The following SERF2 variants were observed in gnomAD, a reference collection of about 807,000 sequenced individuals.
The protein encoded by SERF2 is small EDRK-rich factor 2, also known as gastric cancer-related protein VRG107.
In SERF2, 4 loss-of-function variants were observed where a neutral mutation model predicts 10.7. That is an observed-to-expected ratio of 0.37 (90% confidence interval 0.18 to 0.86). The LOEUF (loss-of-function observed/expected upper bound fraction) is 0.86. Among genes scored for constraint, SERF2 ranks in the 40% least tolerant of loss-of-function variants. SERF2 has a pLI of 0.43. For missense variants in SERF2, 47 were observed against 79.1 expected, an observed-to-expected ratio of 0.59 and a Z score of 1.54; for synonymous variants, 26 against 26.0, an observed-to-expected ratio of 1.00 and a Z score of 0.01.
intron 1 of SERF2, chr15:43,778,008 G>T (rs2086935072): frequency 6.7e-6 from 1 of 148,700 alleles, no homozygotes; most frequent in Non-Finnish European, 1.5e-5. Flanking sequence ...CTGTCGCCCA[G>T]GCTGGAGTGC....
chr15:43,788,307 A>G (rs2064868350), upstream of SERF2, among the ~76,000 whole-genome samples: 1 of 151,636 alleles, frequency 6.6e-6, no homozygotes, highest in Non-Finnish European at 1.5e-5. Flanking sequence ...ACCATGCCCA[A>G]CCTGGAGACA....
upstream of SERF2, among the ~76,000 whole-genome samples, chr15:43,789,360 G>A (rs1406371145): frequency 6.6e-6 from 1 of 152,154 alleles, no homozygotes; most frequent in Non-Finnish European, 1.5e-5. Flanking sequence ...TGACCTGAGG[G>A]AGGAGGGCCT....
Position 43,795,470 on chromosome 15 carries a change from G to C in SERF2, c.*1697G>C, listed in dbSNP as rs1300665479. The C allele has an allele frequency of 1.9e-6, 3 of 1,614,236 alleles. No individual in the cohort carries two copies. The East Asian group carries it at 6.7e-5, about 36-fold the overall frequency. The stretch of plus-strand genomic sequence containing the variant: ...TGGAAGGCAGAATAGTTGTAGGAAA[G>C]ATGCTGGACTTGGACTGGAGGAGCT... On this transcript the variant is annotated 3_prime_UTR_variant, in exon 3 of 3. Coordinates refer to ENST00000249786, the MANE Select transcript of SERF2 (RefSeq NM_001018108.4).
intron 1 of SERF2, 58 bp downstream of exon 1, chr15:43,792,441 C>T: frequency 3.1e-6 from 5 of 1,613,580 alleles, no homozygotes; most frequent in South Asian, 2.2e-5. Flanking sequence ...TAAACACCAC[C>T]GGCGAGGCGC....
Position 43,795,604 on chromosome 15 carries a change from A to G in SERF2, c.*1831A>G, listed in dbSNP as rs1003946517. The G allele has an allele frequency of 6.8e-6, 11 of 1,611,710 alleles. No individual in the cohort carries two copies. The highest frequency in any genetic ancestry group is 2.2e-5 in the East Asian group (1 of 44,854). ...GAAACACCTCTTCCCCTCTCCCCCA[A>G]CTACCTTTGTTAAGGCTCTTGAGGG... On this transcript the variant is annotated 3_prime_UTR_variant, in exon 3 of 3. Transcript: ENST00000249786.
intron 1 of SERF2, among the ~76,000 whole-genome samples, chr15:43,779,269 A>C (rs571028604): frequency 1.1e-4 from 17 of 152,144 alleles, no homozygotes; most frequent in Non-Finnish European, 2.1e-4. Flanking sequence ...AGTAGGAAGC[A>C]ACTGAGAGAG....
upstream of SERF2, chr15:43,792,003 C>A: frequency 2.6e-6 from 1 of 380,180 alleles, no homozygotes; most frequent in South Asian, 3.0e-5. Flanking sequence ...CCCAAACTGT[C>A]CCCGCATGAG....
intron 2 of SERF2, among the ~76,000 whole-genome samples, chr15:43,786,232 G>A (rs1348140633): frequency 6.6e-6 from 1 of 151,442 alleles, no homozygotes; most frequent in African/African-American, 2.4e-5. Flanking sequence ...TGACTAACAC[G>A]GTGAAACCCT....
At chr15:43,791,134 T>C (rs1306966022), upstream of SERF2, among the ~76,000 whole-genome samples, 1 of 147,994 alleles carries the variant, frequency 6.8e-6, no homozygotes, top group African/African-American at 2.5e-5. Context: ...AGTGCAGTGG[T>C]GCGATCTCGG....
At chr15:43,793,271 A>T (rs1254097719) in intron 2 of SERF2, 188 bp downstream of exon 2, 7 of 578,704 alleles carry the variant, frequency 1.2e-5, no homozygotes, top group Admixed American at 3.1e-5. Flanking sequence ...ACAGGAAAGG[A>T]CGGGGGCGGG....
Position 43,794,835 on chromosome 15 carries a change from A to C in SERF2, c.*1062A>C. ...CAGTGAGTCAGACACTCTGCCCAGC[A>C]CATTAGACTGTGTTTGACCACTTCT... On this transcript the variant is annotated 3_prime_UTR_variant, in exon 3 of 3. Coordinates refer to ENST00000249786, the MANE Select transcript of SERF2 (RefSeq NM_001018108.4). 1 of 616,126 alleles carries C rather than the reference A, an allele frequency of 1.6e-6. No individual in the cohort carries two copies. Among genetic ancestry groups the C allele is most frequent in the Non-Finnish European group, 2.9e-6 (1 of 350,062 alleles). The allele number at this position is 616,126 out of a possible 1,614,324, so 38.2% of individuals were successfully genotyped here.
rs190030870 is a variant in SERF2, at chr15:43,784,025, C to T, written c.-526-1385C>T. On this transcript the variant is annotated intron_variant, in intron 1 of 4. Transcript: ENST00000381359. The stretch of plus-strand genomic sequence containing the variant: ...GTCTCAAACTCCTGACCTTGTGATC[C>T]GCCCACCTTGGCCTCCCAAAGTGCT... 8.4e-5 allele frequency among the ~76,000 whole-genome samples: 12 copies of T among 142,476 alleles called. No individual in the cohort carries two copies. The East Asian group carries it at 1.1e-3, about 13-fold the overall frequency. 93.5% of individuals were successfully genotyped at this position (142,476 alleles called of 152,430 possible).
chr15:43,784,419 ACT>A (rs1234940399), intron 1 of SERF2, among the ~76,000 whole-genome samples: 1 of 151,878 alleles, frequency 6.6e-6, no homozygotes, highest in Non-Finnish European at 1.5e-5. Flanking sequence ...TGGGTTGGGC[ACT>A]CTGTGACCTC....
chr15:43,795,855 A>G lies in SERF2; in HGVS notation c.*2082A>G. 1 of 986,072 alleles carries G rather than the reference A, an allele frequency of 1.0e-6. No individual in the cohort carries two copies. Among genetic ancestry groups the G allele is most frequent in the Non-Finnish European group, 1.5e-6 (1 of 670,950 alleles). The allele number at this position is 986,072 out of a possible 1,614,324, so 61.1% of individuals were successfully genotyped here. ...AAAAAGTGGAGGCACACCTGGGTTC[A>G]AATTCTAGCTCCAGCATATAAGTGG... On this transcript the variant is annotated 3_prime_UTR_variant, in exon 3 of 3. Transcript: ENST00000249786.
In SERF2 at chr15:43,795,365, A is replaced by G; in HGVS notation, c.*1592A>G. ...AAAATAGCTAGCTCTTCAGGAGAGTATCTAAGGCCCACTCCATCTTACCTG... is the reference window on the plus strand; with the variant it reads ...AAAATAGCTAGCTCTTCAGGAGAGTGTCTAAGGCCCACTCCATCTTACCTG... On this transcript the variant is annotated 3_prime_UTR_variant, in exon 3 of 3. Coordinates refer to ENST00000249786, the MANE Select transcript of SERF2 (RefSeq NM_001018108.4). 6.2e-7 allele frequency: 1 copy of G among 1,613,530 alleles called. No individual in the cohort carries two copies. Among genetic ancestry groups the G allele is most frequent in the Non-Finnish European group, 8.5e-7 (1 of 1,179,466 alleles).
At chr15:43,789,332 C>T (rs2087033997), upstream of SERF2, among the ~76,000 whole-genome samples, 1 of 152,144 alleles carries the variant, frequency 6.6e-6, no homozygotes, top group African/African-American at 2.4e-5. Flanking sequence ...CACAATAATC[C>T]TGTGGCTCTT....
upstream of SERF2, among the ~76,000 whole-genome samples, chr15:43,791,623 C>G (rs946643071): frequency 2.0e-5 from 3 of 152,230 alleles, no homozygotes; most frequent in Non-Finnish European, 2.9e-5. Flanking sequence ...TGTGAATTAT[C>G]TAATCTCAGC....
Position 43,795,873 on chromosome 15 carries a change from AT to A in SERF2, c.*2101del. The A allele has an allele frequency of 1.2e-6, 1 of 827,078 alleles. No individual in the cohort carries two copies. 51.2% of individuals were successfully genotyped at this position (827,078 alleles called of 1,614,324 possible). A position where few individuals can be genotyped will look rare whatever the true frequency, so the allele number is the denominator to read the frequency against. On this transcript the variant is annotated 3_prime_UTR_variant, in exon 3 of 3. Transcript: ENST00000249786. ...TGGGTTCAAATTCTAGCTCCAGCAT[AT>A]AAGTGGCTGTGCAGACTTTGGTAAG...
At chr15:43,781,954 T>A (rs1256544657) in intron 1 of SERF2, among the ~76,000 whole-genome samples, 1 of 151,674 alleles carries the variant, frequency 6.6e-6, no homozygotes, top group Non-Finnish European at 1.5e-5. Context: ...AGTGGTGCGA[T>A]CTCAGCTCAC....
Sources: allele counts gnomAD v4.1 joint callset (sites outside exome capture counted in the v4.1 genomes callset), GRCh38; gene constraint gnomAD v4.1.1; transcripts MANE v1.5; gene names NCBI Gene and HGNC (gene_info 2026-07-23, HGNC 2026-07-21).